Variants in CWC27 observed in about 807,000 individuals in gnomAD.
CWC27 encodes the protein spliceosome-associated protein CWC27 homolog.
A neutral mutation model predicts 63.6 loss-of-function variants in CWC27; 47 were observed. The observed-to-expected ratio is 0.74, with a 90% confidence interval of 0.58 to 0.94. The LOEUF (loss-of-function observed/expected upper bound fraction) is 0.94, where lower values mean the gene tolerates loss of function less well. Ranked by LOEUF, CWC27 falls within the 40% of genes least tolerant of loss-of-function variation. The pLI, the probability that CWC27 is intolerant of heterozygous loss-of-function variation, is 0.00. For missense variants in CWC27, 495 were observed against 554.3 expected (o/e 0.89, Z 1.07); for synonymous variants, 175 against 179.8 (o/e 0.97, Z 0.22).
intron 10 of CWC27, among the ~76,000 whole-genome samples, chr5:64,805,249 A>G (rs1228787414): frequency 6.6e-6 from 1 of 151,702 alleles, no homozygotes; most frequent in Non-Finnish European, 1.5e-5. Context: ...TTCCACTAAA[A>G]GCATAGCTTT....
intron 10 of CWC27, among the ~76,000 whole-genome samples, chr5:64,857,205 C>T (rs1009056863): frequency 6.6e-5 from 10 of 152,278 alleles, no homozygotes; most frequent in African/African-American, 2.2e-4. Context: ...TCATCACTGC[C>T]TAATAAAGAC....
In CWC27 at chr5:65,017,632, T is replaced by G. The variant is rs181216995; in HGVS notation, c.1257-527T>G. 1.2e-3 allele frequency among the ~76,000 whole-genome samples: 178 copies of G among 152,350 alleles called. 2 individuals are homozygous for G. Among genetic ancestry groups the G allele is most frequent in the Non-Finnish European group, 1.1e-3 (72 of 68,036 alleles). On this transcript the variant is annotated intron_variant, in intron 13 of 13. Coordinates refer to ENST00000381070, the MANE Select transcript of CWC27 (RefSeq NM_005869.4). Reference sequence around the variant, plus strand: ...TTCCTTTTGTATGAAGAAAATATTTTTTAAACCAGCAAATTCCCCAGGAAA... The same window carrying G: ...TTCCTTTTGTATGAAGAAAATATTTGTTAAACCAGCAAATTCCCCAGGAAA...
rs144359387 is a variant in CWC27 at position 64,783,727 on chromosome 5, G to A, written c.253-109G>A. On this transcript the variant is annotated intron_variant, in intron 3 of 13. Transcript: ENST00000381070. Reference sequence around the variant, plus strand: ...TACTTGAAAATCAATTAAGTAAAATGTCTGCATTTTTTATTAGAAGTTGTA... The same window carrying A: ...TACTTGAAAATCAATTAAGTAAAATATCTGCATTTTTTATTAGAAGTTGTA... The A allele has an allele frequency of 1.1e-3, 973 of 922,356 alleles. 3 individuals are homozygous for A. The African/African-American group carries it at 0.014, about 14-fold the overall frequency. 57.1% of individuals were successfully genotyped at this position (922,356 alleles called of 1,614,324 possible). A position where few individuals can be genotyped will look rare whatever the true frequency, so the allele number is the denominator to read the frequency against.
rs1745274519 is a variant in CWC27, at chr5:64,823,615, AACATGAGCAC to A, written c.938+19231_938+19240del. ...TTACTGCCTAACTCATGCTCTGTAA[AACATGAGCAC>A]ATGAAATTAAGAAAGTAATACATTA... is the stretch of plus-strand genomic sequence containing the variant. On this transcript the variant is annotated intron_variant, in intron 10 of 13. Coordinates refer to ENST00000381070, the MANE Select transcript of CWC27 (RefSeq NM_005869.4). Among the ~76,000 whole-genome samples, 3 of 152,214 alleles carry A rather than the reference AACATGAGCAC, an allele frequency of 2.0e-5. No individual in the cohort carries two copies. In the South Asian group the frequency reaches 6.2e-4, roughly 32 times the overall value.
At chr5:64,960,072 T>C (rs953902304) in intron 11 of CWC27, among the ~76,000 whole-genome samples, 4 of 152,154 alleles carry the variant, frequency 2.6e-5, no homozygotes, top group Non-Finnish European at 4.4e-5. Context: ...GTCTTTTTTT[T>C]CCCCTCATTA....
intron 10 of CWC27, among the ~76,000 whole-genome samples, chr5:64,831,137 C>G (rs907041094): frequency 3.3e-5 from 5 of 152,050 alleles, no homozygotes; most frequent in Non-Finnish European, 7.4e-5. Context: ...CAGGTTTACT[C>G]CTCATCAAAC....
At chr5:64,941,417 CT>C (rs1268743117) in intron 11 of CWC27, among the ~76,000 whole-genome samples, 11 of 152,070 alleles carry the variant, frequency 7.2e-5, no homozygotes, top group Admixed American at 7.2e-4. Context: ...AGAATACTTG[CT>C]TCTTTGCTAC....
At chr5:64,933,008 C>T (rs924663563) in intron 11 of CWC27, among the ~76,000 whole-genome samples, 1 of 152,168 alleles carries the variant, frequency 6.6e-6, no homozygotes, top group Admixed American at 6.5e-5. Context: ...GTAAAATTAT[C>T]TAATCATCTA....
intron 11 of CWC27, among the ~76,000 whole-genome samples, chr5:64,945,049 C>T (rs546166913): frequency 3.7e-4 from 57 of 152,262 alleles, no homozygotes; most frequent in Non-Finnish European, 6.9e-4. Context: ...ACACATTTGG[C>T]ATGTTCCCTG....
intron 13 of CWC27, among the ~76,000 whole-genome samples, chr5:64,984,215 G>A (rs752054206): frequency 6.6e-6 from 1 of 152,174 alleles, no homozygotes; most frequent in Non-Finnish European, 1.5e-5. Context: ...TGCTTCACAT[G>A]CACTTGACTC....
chr5:64,811,544 A>G (rs1180879902), intron 10 of CWC27, among the ~76,000 whole-genome samples: 3 of 152,112 alleles, frequency 2.0e-5, no homozygotes, highest in Admixed American at 6.6e-5. Flanking sequence ...CACAATCATT[A>G]AAAATTTCAT....
chr5:64,876,940 C>T (rs190113355), intron 10 of CWC27, among the ~76,000 whole-genome samples: 23 of 151,972 alleles, frequency 1.5e-4, no homozygotes, highest in African/African-American at 4.6e-4. Context: ...CAAGTAATAA[C>T]GAATGATCTT....
intron 11 of CWC27, among the ~76,000 whole-genome samples, chr5:64,885,989 G>C (rs569083259): frequency 1.3e-5 from 2 of 152,162 alleles, no homozygotes; most frequent in Admixed American, 1.3e-4. Context: ...AAAAGTGTTT[G>C]AGCCCTGTGG....
At chr5:64,978,794 A>C (rs1000911273) in intron 13 of CWC27, among the ~76,000 whole-genome samples, 8 of 152,132 alleles carry the variant, frequency 5.3e-5, no homozygotes, top group African/African-American at 1.9e-4. Flanking sequence ...TAACTCATCA[A>C]GATGGTGTTT....
chr5:64,892,081 C>T (rs970411011), intron 11 of CWC27, among the ~76,000 whole-genome samples: 2 of 152,154 alleles, frequency 1.3e-5, no homozygotes, highest in Admixed American at 1.3e-4. Flanking sequence ...AGGCATGAGC[C>T]ACCACTCCCA....
At chr5:64,778,414 C>T (rs369804994) in intron 2 of CWC27, among the ~76,000 whole-genome samples, 15 of 152,088 alleles carry the variant, frequency 9.9e-5, no homozygotes, top group East Asian at 9.6e-4. Flanking sequence ...TGATCATGTG[C>T]ACAGTGCTCA....
At chr5:64,922,525 C>T (rs1252901441) in intron 11 of CWC27, among the ~76,000 whole-genome samples, 5 of 152,176 alleles carry the variant, frequency 3.3e-5, no homozygotes, top group African/African-American at 1.2e-4. Context: ...TTTCAACTCT[C>T]GTATCAGTTT....
At chr5:64,824,397 T>G (rs556167220) in intron 10 of CWC27, among the ~76,000 whole-genome samples, 2 of 152,300 alleles carry the variant, frequency 1.3e-5, no homozygotes, top group East Asian at 3.9e-4. Flanking sequence ...TAGAAGATTT[T>G]TTTCTGTATG....
intron 12 of CWC27, among the ~76,000 whole-genome samples, chr5:64,974,773 A>G (rs1749194419): frequency 6.6e-6 from 1 of 152,234 alleles, no homozygotes; most frequent in Non-Finnish European, 1.5e-5. Context: ...TTACCAAAAT[A>G]TTAACAGCGG....
Sources: gnomAD v4.1 joint callset for allele counts (sites outside exome capture counted in the v4.1 genomes callset) on GRCh38, gnomAD v4.1.1 for gene constraint, MANE v1.5 for transcripts, NCBI Gene and HGNC (gene_info 2026-07-23, HGNC 2026-07-21) for gene names.